The following USP50 variants were observed in gnomAD, a reference collection of about 807,000 sequenced individuals.
USP50 encodes ubiquitin specific peptidase 50, also known as ubiquitin carboxyl-terminal hydrolase 50.
In USP50, 37 loss-of-function variants were observed where a neutral mutation model predicts 39.2. The ratio of observed to expected loss-of-function variants is 0.94; its 90% CI spans 0.73 to 1.24. The LOEUF is 1.24. USP50 is among the 50% of genes most tolerant of loss of function. The pLI, the probability that USP50 is intolerant of heterozygous loss-of-function variation, is 0.00. For missense variants in USP50, 374 were observed against 398.2 expected (o/e 0.94, Z 0.52); for synonymous variants, 139 against 144.5 (o/e 0.96, Z 0.27).
At chr15:50,536,476 A>G (rs1229228331) in intron 5 of USP50, among the ~76,000 whole-genome samples, 1 of 152,114 alleles carries the variant, frequency 6.6e-6, no homozygotes, top group African/African-American at 2.4e-5. Flanking sequence ...CCCTGTCTCT[A>G]CTGAAAATAC....
rs528840568 is a variant in USP50, at chr15:50,533,444, G to GA, written c.804-3516dup. On this transcript the variant is annotated intron_variant, in intron 5 of 6. Transcript: ENST00000532404. Reference sequence around the variant, plus strand: ...CAAACTGCAGAACATCAAAGATAAAGAAAAAAATCCTAAAAGAAGCCAGAG... The same window carrying GA: ...CAAACTGCAGAACATCAAAGATAAAGAAAAAAAATCCTAAAAGAAGCCAGAG... 9.9e-5 allele frequency among the ~76,000 whole-genome samples: 15 copies of GA among 151,196 alleles called. No individual in the cohort carries two copies. In the South Asian group the frequency reaches 2.7e-3, roughly 28 times the overall value.
intron 1 of USP50, among the ~76,000 whole-genome samples, chr15:50,495,271 CAT>C (rs1480532816): frequency 4.2e-5 from 2 of 48,084 alleles, no homozygotes; most frequent in African/African-American, 1.2e-4. Context: ...CATATATACA[CAT>C]ATATATACAC....
chr15:50,497,416 C>G (rs2052459376), downstream of USP50: 2 of 528,186 alleles, frequency 3.8e-6, no homozygotes, highest in Non-Finnish European at 5.9e-6. Context: ...TTTTCAGTAC[C>G]ACAGCAAAAT....
At chr15:50,539,391 G>GGT (rs572470476) in intron 4 of USP50, among the ~76,000 whole-genome samples, 1 of 136,100 alleles carries the variant, frequency 7.3e-6, no homozygotes, top group African/African-American at 2.7e-5. Context: ...TAACTTTTCT[G>GGT]TTTTTTTTTT....
At chr15:50,497,525 T>G (rs115659119), downstream of USP50, 123 of 216,902 alleles carry the variant, frequency 5.7e-4, no homozygotes, top group African/African-American at 2.6e-3. Flanking sequence ...TCAAACAAAT[T>G]AGCACATGAA....
intron 5 of USP50, among the ~76,000 whole-genome samples, chr15:50,537,031 C>T (rs72740406): frequency 0.065 from 9,843 of 152,120 alleles, 453 homozygotes; most frequent in African/African-American, 0.13. Context: ...CATTACCAAA[C>T]TTCAAAACTT....
intron 5 of USP50, among the ~76,000 whole-genome samples, chr15:50,532,850 G>C (rs56883968): frequency 2.0e-5 from 3 of 152,148 alleles, no homozygotes; most frequent in Non-Finnish European, 4.4e-5. Flanking sequence ...ACAGTGGTTA[G>C]TTTCTTTTCT....
At chr15:50,526,536 G>A (rs1441037238) in intron 6 of USP50, among the ~76,000 whole-genome samples, 2 of 152,174 alleles carry the variant, frequency 1.3e-5, no homozygotes, top group Non-Finnish European at 2.9e-5. Context: ...AATATTTGAA[G>A]GAACATGTAT....
At chr15:50,525,570 A>ATGTATATGTATATATGTATATGTATATG (rs2052884538) in intron 6 of USP50, among the ~76,000 whole-genome samples, 1 of 65,684 alleles carries the variant, frequency 1.5e-5, no homozygotes, top group Non-Finnish European at 3.5e-5. Flanking sequence ...ATATGTATAT[A>ATGTATATGTATATATGTATATGTATATG]TGTATATGTA....
chr15:50,525,556 G>GTA (rs1566907537), intron 6 of USP50, among the ~76,000 whole-genome samples: 19,324 of 84,642 alleles, frequency 0.23, 1,698 homozygotes, highest in Admixed American at 0.3. Context: ...GTATATATGT[G>GTA]TATATATGTA....
At chr15:50,516,820 C>A (rs2052807632) in intron 6 of USP50, among the ~76,000 whole-genome samples, 1 of 151,210 alleles carries the variant, frequency 6.6e-6, no homozygotes. Context: ...TAAACTGAGA[C>A]AAAGAAGGTC....
At chr15:50,530,774 G>A (rs773515421) in intron 5 of USP50, among the ~76,000 whole-genome samples, 4 of 152,050 alleles carry the variant, frequency 2.6e-5, no homozygotes, top group Non-Finnish European at 4.4e-5. Context: ...AAAAGAAAGG[G>A]ATAACCAAGG....
chr15:50,519,546 CT>C (rs2052831135), intron 6 of USP50, among the ~76,000 whole-genome samples: 1 of 151,796 alleles, frequency 6.6e-6, no homozygotes, highest in South Asian at 2.1e-4. Flanking sequence ...AACCCCGTCT[CT>C]ACTAAAAATA....
At chr15:50,512,875 A>T (rs1031681850) in intron 6 of USP50, 2 of 152,168 alleles carry the variant, frequency 1.3e-5, no homozygotes, top group East Asian at 3.8e-4. Context: ...ATCTCTAAGA[A>T]CTTCTTTTTA....
intron 5 of USP50, among the ~76,000 whole-genome samples, chr15:50,535,282 TAAACTC>T (rs1286575157): frequency 1.3e-5 from 2 of 152,178 alleles, no homozygotes; most frequent in African/African-American, 2.4e-5. Context: ...AGGACATAGT[TAAACTC>T]AACGACACCA....
intron 5 of USP50, among the ~76,000 whole-genome samples, chr15:50,530,477 G>C (rs1030950496): frequency 2.6e-5 from 4 of 151,668 alleles, no homozygotes; most frequent in Admixed American, 2.0e-4. Context: ...CCAGCTACTC[G>C]GGAGGCTGAG....
chr15:50,500,900 A>G (rs2052573400), intron 6 of USP50, 63 bp from the exon 7 acceptor site: 2 of 1,277,424 alleles, frequency 1.6e-6, no homozygotes, highest in Admixed American at 2.0e-5. Flanking sequence ...TGGAACAGAA[A>G]TGATAGGGCC....
chr15:50,495,094 T>C lies in USP50; in HGVS notation n.185-964A>G, dbSNP rs550677062. On this transcript the variant is annotated intron_variant and non_coding_transcript_variant, in intron 1 of 1. Coordinates refer to the USP50 transcript ENST00000560159. ...TAGTTATTATAAAGGCATGTATGTA[T>C]ACATAAATGACCACCCTCCATTTAC... Among the ~76,000 whole-genome samples the C allele has an allele frequency of 1.9e-4, 29 of 151,796 alleles. 1 individual carries two copies. In the South Asian group the frequency reaches 5.6e-3, roughly 29 times the overall value.
chr15:50,520,305 CTT>C (rs556404133), intron 6 of USP50, among the ~76,000 whole-genome samples: 5 of 144,690 alleles, frequency 3.5e-5, no homozygotes, highest in Admixed American at 6.9e-5. Flanking sequence ...GAGAGAGACC[CTT>C]TTTTTTTTTT....
Sources: allele counts gnomAD v4.1 joint callset (sites outside exome capture counted in the v4.1 genomes callset), GRCh38; gene constraint gnomAD v4.1.1; transcripts MANE v1.5; gene names NCBI Gene and HGNC (gene_info 2026-07-23, HGNC 2026-07-21).